The following NLGN3 variants were observed in gnomAD, a reference collection of about 807,000 sequenced individuals.
The protein encoded by NLGN3 is neuroligin 3.
Under a neutral mutation model 42.9 loss-of-function variants are expected in NLGN3, and 11 were observed. That is an observed-to-expected ratio of 0.26 (90% CI 0.16 to 0.42). The LOEUF (loss-of-function observed/expected upper bound fraction) is 0.42. Among genes scored for constraint, NLGN3 ranks in the 10% least tolerant of loss-of-function variants. NLGN3 has a pLI of 1.00. For missense variants in NLGN3, 374 were observed against 733.8 expected (o/e 0.51, Z 5.67); for synonymous variants, 279 against 312.7 (o/e 0.89, Z 1.14).
intron 5 of NLGN3, among the ~76,000 whole-genome samples, chrX:71,160,508 C>T (rs1036631181): frequency 3.6e-5 from 4 of 112,248 alleles, no homozygotes; most frequent in African/African-American, 1.3e-4. Context: ...TGAGCCATCA[C>T]GCCCAGCCTC....
chrX:71,173,508 T>C (rs1220866628), downstream of NLGN3, among the ~76,000 whole-genome samples: 2 of 112,482 alleles, frequency 1.8e-5, no homozygotes, highest in East Asian at 5.6e-4. Flanking sequence ...GCTGAGGATA[T>C]ACTTGGATTT....
intron 3 of NLGN3, among the ~76,000 whole-genome samples, chrX:71,151,940 A>G (rs1051397125): frequency 8.9e-6 from 1 of 111,874 alleles, no homozygotes; most frequent in Non-Finnish European, 1.9e-5. Flanking sequence ...CTAATGTGTT[A>G]AGACGGTAGG....
At chrX:71,145,414 C>T (rs187515337) in intron 1 of NLGN3, among the ~76,000 whole-genome samples, 20 of 102,449 alleles carry the variant, frequency 2.0e-4, no homozygotes, top group African/African-American at 5.7e-4. Context: ...GCAACTCCAT[C>T]CCCCAATCCA....
chrX:71,146,153 T>TCTCTCTCTCA (rs1185227027), intron 1 of NLGN3, among the ~76,000 whole-genome samples: 1 of 26,345 alleles, frequency 3.8e-5, no homozygotes, highest in African/African-American at 1.6e-4. Flanking sequence ...TCTCTCTCTC[T>TCTCTCTCTCA]CACACACACA....
Position 71,167,011 on chromosome X carries a change from G to A in NLGN3, c.914G>A (p.Gly305Glu). Residue 305 changes from glycine (G) to glutamate (E), a missense_variant and splice_region_variant, in exon 7 of 8, where the codon GGA (glycine) becomes GAA (glutamate). Transcript: ENST00000358741. The stretch of plus-strand genomic sequence containing the variant: ...ACCTGGTGCTACCTGTCTTCTGTAG[G>A]ACTTTTCCAGAGAGCCATCATCCAA... ...SLLTLSHHSEGLFQRAIIQSG... is the reference protein window; with the variant it reads ...SLLTLSHHSEELFQRAIIQSG... 1 of 1,186,899 alleles carries A rather than the reference G, an allele frequency of 8.4e-7. No individual in the cohort carries two copies. The highest frequency in any genetic ancestry group is 1.1e-6 in the Non-Finnish European group (1 of 882,779).
At chrX:71,175,152 C>G, downstream of NLGN3, among the ~76,000 whole-genome samples, 1 of 111,623 alleles carries the variant, frequency 9.0e-6, no homozygotes, top group East Asian at 2.8e-4. Flanking sequence ...TGAGTAATTA[C>G]TGGGCTCACA....
At position 71,167,619 on chromosome X, in the gene NLGN3, C is replaced by T; in HGVS notation, c.1522C>T (p.His508Tyr). The T allele has an allele frequency of 8.3e-7, 1 of 1,211,313 alleles. No homozygotes were observed. The highest frequency in any genetic ancestry group is 1.1e-6 in the Non-Finnish European group (1 of 895,424). Reference protein sequence around the residue: ...GSPTYFYAFYHHCQSLMKPAW... With the variant: ...GSPTYFYAFYYHCQSLMKPAW... ...GCCTACCTACTTCTACGCCTTCTATCATCACTGCCAGAGCCTCATGAAGCC... is the reference window on the plus strand; with the variant it reads ...GCCTACCTACTTCTACGCCTTCTATTATCACTGCCAGAGCCTCATGAAGCC... Residue 508 changes from histidine to tyrosine, a missense_variant, in exon 7 of 8, where the codon CAT (histidine) becomes TAT (tyrosine). Transcript: ENST00000358741.
intron 4 of NLGN3, 102 bp from the exon 5 acceptor site, chrX:71,155,112 C>T: frequency 1.0e-6 from 1 of 970,485 alleles, no homozygotes. Context: ...GGTGTCCTGG[C>T]ACCTGGGATA....
At position 71,147,992 on chromosome X, in the gene NLGN3, G is replaced by C. The variant is rs748466850; in HGVS notation, c.243G>C (p.Glu81Asp). ...CCTACGCAGCTCCCCCGATCGGCGA[G>C]AAACGTTTCCTGCCCCCTGAACCAC... ...GVPYAAPPIG[E>D]KRFLPPEPPP... The change falls in exon 2 of 8, where the codon GAG becomes GAC. Residue 81 changes from glutamate (E) to aspartate (D), a missense_variant. Physicochemically the swap from Glu to Asp is conservative, Grantham distance 45. Transcript: ENST00000358741. 8.3e-7 allele frequency: 1 copy of C among 1,206,657 alleles called. No homozygotes were observed. The highest frequency in any genetic ancestry group is 1.8e-5 in the African/African-American group (1 of 56,850).
At chrX:71,172,627 CGTGTGTGTGTGTGT>C (rs59876964), downstream of NLGN3, among the ~76,000 whole-genome samples, 11 of 100,496 alleles carry the variant, frequency 1.1e-4, no homozygotes, top group Non-Finnish European at 2.2e-4. Context: ...TGTGTGCATG[CGTGTGTGTGTGTGT>C]GTGTGTGTGT....
chrX:71,148,934 G>C (rs1434873075), intron 3 of NLGN3, 29 bp downstream of exon 3: 2 of 956,173 alleles, frequency 2.1e-6, no homozygotes, highest in African/African-American at 4.0e-5. Context: ...GGGAGGGAGA[G>C]AGAGAGAGAG....
In NLGN3 at chrX:71,154,098, T is replaced by A. The variant is rs1278084621; in HGVS notation, c.577+562T>A. ...TCTCGGGGCTAGGGGCTGCAGTAGG[T>A]ACAAGACAAGGCCAGAAAGACTGGG... On this transcript the variant is annotated intron_variant, in intron 4 of 7. Coordinates refer to ENST00000358741, the MANE Select transcript of NLGN3 (RefSeq NM_181303.2). Among the ~76,000 whole-genome samples, 13 of 111,918 alleles carry A rather than the reference T, an allele frequency of 1.2e-4. No homozygotes were observed. The Admixed American group carries it at 1.2e-3, about 11-fold the overall frequency.
At chrX:71,155,024 T>C (rs773652849) in intron 4 of NLGN3, among the ~76,000 whole-genome samples, 190 bp from the exon 5 acceptor site, 1 of 112,675 alleles carries the variant, frequency 8.9e-6, no homozygotes, top group East Asian at 2.8e-4. Flanking sequence ...AAAATATCAC[T>C]GAAGCCCCAC....
intron 7 of NLGN3, among the ~76,000 whole-genome samples, chrX:71,168,980 T>C (rs911454698): frequency 9.1e-6 from 1 of 109,814 alleles, no homozygotes; most frequent in Non-Finnish European, 1.9e-5. Context: ...CCTGGCAAAA[T>C]TGGGCAGCTG....
At chrX:71,160,749 T>A (rs1355025485) in intron 5 of NLGN3, among the ~76,000 whole-genome samples, 2 of 112,392 alleles carry the variant, frequency 1.8e-5, no homozygotes, top group East Asian at 5.6e-4. Flanking sequence ...GAATCCTACA[T>A]GCTTGCTCAG....
intron 7 of NLGN3, among the ~76,000 whole-genome samples, chrX:71,168,526 T>A (rs75126725): frequency 9.2e-6 from 1 of 108,249 alleles, no homozygotes; most frequent in Non-Finnish European, 1.9e-5. Context: ...AGCTCAGGAG[T>A]TCGAAACCAG....
chrX:71,148,980 A>T, intron 3 of NLGN3, 75 bp downstream of exon 3: 1 of 654,364 alleles, frequency 1.5e-6, no homozygotes, highest in South Asian at 4.0e-5. Flanking sequence ...TGCCCCCAGG[A>T]CCCAGCCTTC....
chrX:71,153,414 G>A, intron 3 of NLGN3, 63 bp from the exon 4 acceptor site: 1 of 1,110,315 alleles, frequency 9.0e-7, no homozygotes, highest in Non-Finnish European at 1.2e-6. Context: ...TGCTGTTTTT[G>A]AATTCTCTCT....
At chrX:71,168,458 C>T (rs1234186551) in intron 7 of NLGN3, among the ~76,000 whole-genome samples, 3 of 110,576 alleles carry the variant, frequency 2.7e-5, no homozygotes, top group African/African-American at 9.9e-5. Flanking sequence ...GGGCCAGGCG[C>T]GGAGGCTTAT....
Sources: allele counts gnomAD v4.1 joint callset (sites outside exome capture counted in the v4.1 genomes callset), GRCh38; gene constraint gnomAD v4.1.1; transcripts MANE v1.5; gene names NCBI Gene and HGNC (gene_info 2026-07-23, HGNC 2026-07-21).